The following PRDM1 variants were observed in gnomAD, a reference collection of about 807,000 sequenced individuals.
PRDM1 encodes the protein PR domain zinc finger protein 1.
A neutral mutation model predicts 62.8 loss-of-function variants in PRDM1; 13 were observed. That is an observed-to-expected ratio of 0.21 (90% CI 0.13 to 0.33). The LOEUF is 0.33. Ranked by LOEUF, PRDM1 falls within the 10% of genes least tolerant of loss-of-function variation. PRDM1 has a pLI of 1.00. For missense variants in PRDM1, 895 were observed against 1,058.8 expected (o/e 0.85, Z 2.15); for synonymous variants, 396 against 417.6 (o/e 0.95, Z 0.63).
intron 1 of PRDM1, among the ~76,000 whole-genome samples, chr6:106,006,183 A>T (rs1562142735): frequency 1.3e-5 from 2 of 152,232 alleles, no homozygotes; most frequent in Admixed American, 6.5e-5. Context: ...TGCTGCGTGT[A>T]AACACTTAAT....
chr6:106,067,604 A>G (rs1773453141), intron 1 of PRDM1, among the ~76,000 whole-genome samples: 1 of 152,208 alleles, frequency 6.6e-6, no homozygotes, highest in Non-Finnish European at 1.5e-5. Context: ...TGTGCTAAGT[A>G]AAATAAGCCA....
At chr6:106,029,009 C>A (rs999607537) in intron 1 of PRDM1, among the ~76,000 whole-genome samples, 6 of 151,374 alleles carry the variant, frequency 4.0e-5, no homozygotes, top group Admixed American at 3.9e-4. Context: ...CAACCTCCAC[C>A]TCCTGGGTTC....
chr6:106,030,744 T>C (rs1444307744), intron 1 of PRDM1, among the ~76,000 whole-genome samples: 1 of 152,200 alleles, frequency 6.6e-6, no homozygotes, highest in Non-Finnish European at 1.5e-5. Context: ...TTTTTTGCCA[T>C]GTGAATATCC....
intron 1 of PRDM1, among the ~76,000 whole-genome samples, chr6:106,068,194 C>T (rs1238746403): frequency 6.6e-6 from 1 of 151,696 alleles, no homozygotes; most frequent in African/African-American, 2.4e-5. Context: ...TGAGTTCAAG[C>T]GATTCTCCTG....
In PRDM1 at chr6:106,105,979, T is replaced by A. The variant is rs561979221; in HGVS notation, c.1773+46T>A. The A allele has an allele frequency of 1.7e-5, 26 of 1,564,098 alleles. No individual in the cohort carries two copies. The South Asian group carries it at 3.1e-4, about 19-fold the overall frequency. ...GTCCAAGGGGCTGTGAGTGCATGCT[T>A]GTGTTTGTATTTAGCTTGCTTTCCA... On this transcript the variant is annotated intron_variant, in intron 5 of 6. Coordinates refer to ENST00000369096, the MANE Select transcript of PRDM1 (RefSeq NM_001198.4).
At chr6:106,031,192 T>C (rs1772839482) in intron 1 of PRDM1, among the ~76,000 whole-genome samples, 1 of 152,224 alleles carries the variant, frequency 6.6e-6, no homozygotes, top group Admixed American at 6.5e-5. Flanking sequence ...TTCTGTGTTA[T>C]ATAGAGGAAA....
At chr6:106,098,397 G>A (rs1675104967) in intron 3 of PRDM1, 15 of 985,188 alleles carry the variant, frequency 1.5e-5, no homozygotes, top group Admixed American at 6.2e-5. Context: ...GAGTGCATCT[G>A]TTATCCAGAA....
rs368663080 is a variant in PRDM1, at chr6:106,020,088, G to A, written c.-67+26449G>A. ...CCAAAAATACAAAAATTAGCTGGGT[G>A]TGGGTGGCGTGCACCTGTAATCCAA... On this transcript the variant is annotated intron_variant, in intron 1 of 6. Transcript: ENST00000652320. Among the ~76,000 whole-genome samples the A allele has an allele frequency of 1.5e-4, 23 of 151,302 alleles. No individual in the cohort carries two copies. In the East Asian group the frequency reaches 3.2e-3, roughly 21 times the overall value.
At chr6:106,066,440 A>T (rs1346786573) in intron 1 of PRDM1, among the ~76,000 whole-genome samples, 4 of 152,202 alleles carry the variant, frequency 2.6e-5, no homozygotes, top group Non-Finnish European at 5.9e-5. Context: ...TTAATCAAGT[A>T]GGCAGTTTTG....
At chr6:106,060,749 C>CT (rs2114592306) in intron 1 of PRDM1, among the ~76,000 whole-genome samples, 1 of 151,990 alleles carries the variant, frequency 6.6e-6, no homozygotes, top group African/African-American at 2.4e-5. Flanking sequence ...GAGACAGAGG[C>CT]TTTGGAGGAC....
In PRDM1 at chr6:106,104,808, C is replaced by T; in HGVS notation, c.665-17C>T. ...TCTCTAGCCCTCTGTGTAATCGCCC[C>T]TTTTTCTTTATTTCAGCACAAACAC... On this transcript the variant is annotated splice_polypyrimidine_tract_variant and intron_variant, in intron 4 of 6. Coordinates refer to ENST00000369096, the MANE Select transcript of PRDM1 (RefSeq NM_001198.4). 2 of 1,600,110 alleles carry T rather than the reference C, an allele frequency of 1.2e-6. No individual in the cohort carries two copies. The highest frequency in any genetic ancestry group is 1.4e-5 in the African/African-American group (1 of 73,826).
chr6:106,048,517 C>T (rs1440367779), upstream of PRDM1, among the ~76,000 whole-genome samples: 1 of 152,202 alleles, frequency 6.6e-6, no homozygotes, highest in African/African-American at 2.4e-5. Flanking sequence ...CTGTTCTGAT[C>T]AGACCGCTGA....
At position 106,107,097 on chromosome 6, in the gene PRDM1, A is replaced by G. The variant is rs1489686569; in HGVS notation, c.2089A>G (p.Ile697Val). The change falls in exon 7 of 7, where the codon ATC (isoleucine) becomes GTC (valine). Residue 697 changes from isoleucine to valine, a missense_variant. Ile to Val is a conservative substitution (Grantham distance 29). Transcript: ENST00000369096. ...HKCSQCHKNY[I>V]HLCSLKVHLK... ...GTGCTCCCAGTGCCACAAGAACTAC[A>G]TCCATCTCTGTAGCCTCAAGGTTCA... The G allele has an allele frequency of 5.6e-6, 9 of 1,614,230 alleles. No individual in the cohort carries two copies. Among genetic ancestry groups the G allele is most frequent in the Non-Finnish European group, 5.9e-6 (7 of 1,180,042 alleles).
chr6:106,000,316 GTC>G (rs1772412390), intron 1 of PRDM1, among the ~76,000 whole-genome samples: 1 of 152,144 alleles, frequency 6.6e-6, no homozygotes, highest in African/African-American at 2.4e-5. Flanking sequence ...CACACCTGTA[GTC>G]CCAGCTACTC....
chr6:106,031,598 T>C (rs180992897), intron 1 of PRDM1, among the ~76,000 whole-genome samples: 20 of 152,288 alleles, frequency 1.3e-4, no homozygotes, highest in Admixed American at 1.2e-3. Context: ...AAGTTTGAAA[T>C]TGAGGTTGTG....
chr6:106,094,906 A>AAC (rs3833460), intron 2 of PRDM1, among the ~76,000 whole-genome samples: 1,450 of 88,804 alleles, frequency 0.016, 18 homozygotes, highest in African/African-American at 0.033. Context: ...TTGTCTTTAA[A>AAC]ACACACACAC....
chr6:106,040,520 T>C (rs1772978632), intron 1 of PRDM1, among the ~76,000 whole-genome samples: 1 of 152,228 alleles, frequency 6.6e-6, no homozygotes, highest in Non-Finnish European at 1.5e-5. Context: ...TTCTCAGTGA[T>C]TAAGAATCCT....
At chr6:106,027,552 G>T (rs745881019) in intron 1 of PRDM1, among the ~76,000 whole-genome samples, 2 of 152,016 alleles carry the variant, frequency 1.3e-5, no homozygotes, top group Non-Finnish European at 2.9e-5. Flanking sequence ...TTTGGCATGA[G>T]GGAGAGGTCT....
intron 1 of PRDM1, among the ~76,000 whole-genome samples, chr6:106,022,106 A>G (rs4351299): frequency 0.91 from 138,428 of 152,260 alleles, 63,059 homozygotes; most frequent in African/African-American, 0.95. Flanking sequence ...TAAGAGGTAC[A>G]GGTGTTACAC....
Sources: allele counts gnomAD v4.1 joint callset (sites outside exome capture counted in the v4.1 genomes callset), GRCh38; gene constraint gnomAD v4.1.1; transcripts MANE v1.5; gene names NCBI Gene and HGNC (gene_info 2026-07-23, HGNC 2026-07-21).